The following AFTPH variants were observed in gnomAD, a reference collection of about 807,000 sequenced individuals.
The protein encoded by AFTPH is aftiphilin protein.
Under a neutral mutation model 72.5 loss-of-function variants are expected in AFTPH, and 7 were observed. The ratio of observed to expected loss-of-function variants is 0.10; its 90% confidence interval spans 0.05 to 0.18. The LOEUF (loss-of-function observed/expected upper bound fraction) is 0.18. AFTPH is among the 10% of genes least tolerant of loss of function. The pLI is 1.00. For missense variants in AFTPH, 979 were observed against 1,060.5 expected (o/e 0.92, Z 1.07); for synonymous variants, 337 against 370.1 (o/e 0.91, Z 1.03).
intron 8 of AFTPH, among the ~76,000 whole-genome samples, chr2:64,588,192 G>A (rs998092706): frequency 1.3e-5 from 2 of 152,084 alleles, no homozygotes; most frequent in African/African-American, 4.8e-5. Context: ...ATTTCATATA[G>A]ATGGAATTCT....
chr2:64,549,035 C>G (rs1292317525), intron 1 of AFTPH, among the ~76,000 whole-genome samples: 1 of 152,200 alleles, frequency 6.6e-6, no homozygotes, highest in African/African-American at 2.4e-5. Flanking sequence ...CACTAAGCAG[C>G]TGTCTGAATG....
At chr2:64,561,179 T>G (rs778553994) in intron 2 of AFTPH, among the ~76,000 whole-genome samples, 3 of 152,204 alleles carry the variant, frequency 2.0e-5, no homozygotes, top group Non-Finnish European at 4.4e-5. Flanking sequence ...ATCCTACATT[T>G]ATCAGAGCCC....
intron 1 of AFTPH, among the ~76,000 whole-genome samples, chr2:64,535,754 T>C (rs898601601): frequency 1.5e-5 from 2 of 134,968 alleles, no homozygotes; most frequent in Non-Finnish European, 3.1e-5. Flanking sequence ...ATAAGAACAA[T>C]ACATTAGAAG....
chr2:64,552,280 G>C, exon 2 of AFTPH: 1 of 1,614,068 alleles, frequency 6.2e-7, no homozygotes, highest in African/African-American at 1.3e-5. Context: ...AAAATTAATA[G>C]AGTCAATGAA....
chr2:64,569,515 T>A (rs1672291835), intron 4 of AFTPH, 108 bp from the exon 5 acceptor site: 1 of 1,261,206 alleles, frequency 7.9e-7, no homozygotes, highest in Non-Finnish European at 1.1e-6. Flanking sequence ...CATCAATTTA[T>A]CATTCCCAAT....
intron 1 of AFTPH, among the ~76,000 whole-genome samples, chr2:64,543,958 T>C (rs1283042258): frequency 6.6e-6 from 1 of 152,228 alleles, no homozygotes; most frequent in Non-Finnish European, 1.5e-5. Context: ...TCACCTGTTG[T>C]ATGCCCTGCC....
chr2:64,553,315 C>T (rs945885430), exon 2 of AFTPH: 17 of 1,613,926 alleles, frequency 1.1e-5, no homozygotes, highest in Non-Finnish European at 1.4e-5. Flanking sequence ...AATATTGATA[C>T]TCCAGGAACC....
intron 1 of AFTPH, among the ~76,000 whole-genome samples, chr2:64,548,407 G>GAAAAA (rs57995634): frequency 0.01 from 609 of 59,858 alleles, 9 homozygotes; most frequent in Non-Finnish European, 0.014. Flanking sequence ...CTCAAAAAAA[G>GAAAAA]AAAAAAAAAA....
intron 2 of AFTPH, among the ~76,000 whole-genome samples, chr2:64,555,071 C>T: frequency 6.6e-6 from 1 of 151,980 alleles, no homozygotes; most frequent in Non-Finnish European, 1.5e-5. Context: ...TCTTAAAAAG[C>T]CTTATGATTT....
intron 1 of AFTPH, among the ~76,000 whole-genome samples, chr2:64,528,397 T>C (rs942244218): frequency 4.6e-5 from 7 of 152,214 alleles, no homozygotes; most frequent in Admixed American, 1.3e-4. Flanking sequence ...TCCTACAGCT[T>C]CAGTTTCTTT....
At chr2:64,548,407 GAAAAAAAAAA>G (rs57995634) in intron 1 of AFTPH, among the ~76,000 whole-genome samples, 19 of 59,990 alleles carry the variant, frequency 3.2e-4, no homozygotes, top group South Asian at 1.3e-3. Context: ...CTCAAAAAAA[GAAAAAAAAAA>G]AAAAAAAAAA....
chr2:64,558,680 T>G (rs1229530278), intron 2 of AFTPH, among the ~76,000 whole-genome samples: 1 of 152,248 alleles, frequency 6.6e-6, no homozygotes, highest in African/African-American at 2.4e-5. Context: ...CTGGGCACTT[T>G]CATACTGCAT....
chr2:64,542,465 C>G (rs749353700), intron 1 of AFTPH, among the ~76,000 whole-genome samples: 1 of 152,162 alleles, frequency 6.6e-6, no homozygotes, highest in Non-Finnish European at 1.5e-5. Flanking sequence ...CAGTTTACTT[C>G]AAGATACCAG....
At chr2:64,551,590 C>T in exon 2 of AFTPH, 1 of 1,614,064 alleles carries the variant, frequency 6.2e-7, no homozygotes, top group Non-Finnish European at 8.5e-7. Flanking sequence ...GAAGTTAGCC[C>T]TTCTGGTGTA....
rs1669127434 is a variant in AFTPH, at chr2:64,524,534, T to C, written c.-111T>C. The C allele has an allele frequency of 2.5e-6, 1 of 399,182 alleles. No homozygotes were observed. The highest frequency in any genetic ancestry group is 3.6e-5 in the East Asian group (1 of 28,062). The allele number at this position is 399,182 out of a possible 1,614,324, so 24.7% of individuals were successfully genotyped here. ...CGCTCTCACCAGTTCCGCGTCGGAATAGACGGTCCTTCCCCGGGGAGTCAG... is the reference window on the plus strand; with the variant it reads ...CGCTCTCACCAGTTCCGCGTCGGAACAGACGGTCCTTCCCCGGGGAGTCAG... On this transcript the variant is annotated 5_prime_UTR_variant, in exon 1 of 9. An upstream open reading frame in the 5' UTR loses its in-frame stop. Coordinates refer to ENST00000238856, the Ensembl canonical transcript of AFTPH.
At chr2:64,591,810 C>A in intron 8 of AFTPH, 78 bp from the exon 10 acceptor site, 2 of 1,501,872 alleles carry the variant, frequency 1.3e-6, no homozygotes, top group Admixed American at 1.7e-5. Flanking sequence ...AACTGTCTAC[C>A]TTGAGAGTGG....
At chr2:64,578,542 A>AAAAAAAAAAAATTCACTATT (rs1672963562) in intron 6 of AFTPH, among the ~76,000 whole-genome samples, 1 of 146,816 alleles carries the variant, frequency 6.8e-6, no homozygotes, top group Admixed American at 6.8e-5. Context: ...CGAAATTTAA[A>AAAAAAAAAAAATTCACTATT]CCCCTGGAAT....
At chr2:64,579,399 G>T in intron 6 of AFTPH, 87 bp from the exon 7 acceptor site, 1 of 1,019,080 alleles carries the variant, frequency 9.8e-7, no homozygotes, top group Non-Finnish European at 1.5e-6. Context: ...TTGCCTAATG[G>T]TCTTGCTATA....
At chr2:64,584,278 T>G (rs1673373355) in intron 7 of AFTPH, among the ~76,000 whole-genome samples, 1 of 152,142 alleles carries the variant, frequency 6.6e-6, no homozygotes, top group Non-Finnish European at 1.5e-5. Context: ...ATCATTGCTA[T>G]AAATCTGTAT....
Sources: allele counts gnomAD v4.1 joint callset (sites outside exome capture counted in the v4.1 genomes callset), GRCh38; gene constraint gnomAD v4.1.1; transcripts MANE v1.5; gene names NCBI Gene and HGNC (gene_info 2026-07-23, HGNC 2026-07-21).